Variants in ZNF112 observed in about 807,000 individuals in gnomAD.
The protein encoded by ZNF112 is zinc finger protein 112, also known as zinc finger protein 112 (Y14).
Under a neutral mutation model 77.7 loss-of-function variants are expected in ZNF112, and 37 were observed. The ratio of observed to expected loss-of-function variants is 0.48; its 90% CI spans 0.37 to 0.63. The LOEUF (loss-of-function observed/expected upper bound fraction) is 0.63. Ranked by LOEUF, ZNF112 falls within the 20% of genes least tolerant of loss-of-function variation. The pLI, the probability that ZNF112 is intolerant of heterozygous loss-of-function variation, is 0.00. For synonymous variants in ZNF112, 333 were observed against 363.6 expected, an observed-to-expected ratio of 0.92 and a Z score of 0.96; for missense variants, 950 against 1,077.4, an observed-to-expected ratio of 0.88 and a Z score of 1.66.
chr19:44,333,690 C>A (rs1408762619), intron 3 of ZNF112, among the ~76,000 whole-genome samples: 1 of 152,184 alleles, frequency 6.6e-6, no homozygotes, highest in East Asian at 1.9e-4. Context: ...TCCCCTTCAC[C>A]ATCTGCCATA....
At chr19:44,341,911 TG>T (rs139355721) in intron 1 of ZNF112, among the ~76,000 whole-genome samples, 10,665 of 152,298 alleles carry the variant, frequency 0.07, 485 homozygotes, top group African/African-American at 0.12. Flanking sequence ...TTTGCTTTTT[TG>T]TAAGTCTTTC....
chr19:44,332,816 GA>G (rs1236378778), intron 3 of ZNF112, among the ~76,000 whole-genome samples: 2 of 151,620 alleles, frequency 1.3e-5, no homozygotes, highest in African/African-American at 4.8e-5. Context: ...CATAGAGGAA[GA>G]AAAAAAATAA....
At chr19:44,336,782 G>C (rs2123161977) in intron 2 of ZNF112, 64 bp from the exon 3 acceptor site, 1 of 1,332,202 alleles carries the variant, frequency 7.5e-7, no homozygotes, top group Non-Finnish European at 1.1e-6. Flanking sequence ...GTCAAAACTA[G>C]ACAAAAAGGT....
chr19:44,327,376 C>A lies in ZNF112; in HGVS notation c.*57G>T, dbSNP rs1274870504. On this transcript the variant is annotated 3_prime_UTR_variant, in exon 4 of 4. Coordinates refer to ENST00000354340, the MANE Select transcript of ZNF112 (RefSeq NM_013380.4). ...CATTACATTTTAATTTTTAAAAATT[C>A]TTTTTCTACTGAAAGAACTCTAGTG... 6 of 1,398,644 alleles carry A rather than the reference C, an allele frequency of 4.3e-6. No homozygotes were observed. The highest frequency in any genetic ancestry group is 2.9e-5 in the African/African-American group (2 of 68,532). 86.6% of individuals were successfully genotyped at this position (1,398,644 alleles called of 1,614,324 possible). A position where few individuals can be genotyped will look rare whatever the true frequency, so the allele number is the denominator to read the frequency against.
At chr19:44,359,601 C>T (rs1314460767), upstream of ZNF112, among the ~76,000 whole-genome samples, 2 of 152,104 alleles carry the variant, frequency 1.3e-5, no homozygotes, top group African/African-American at 4.8e-5. Context: ...GCATTACAGG[C>T]GTGAGCCACT....
chr19:44,341,157 A>C, intron 1 of ZNF112: 1 of 456,710 alleles, frequency 2.2e-6, no homozygotes, highest in Non-Finnish European at 4.4e-6. Flanking sequence ...AAAGCATGGA[A>C]AACAGCACCT....
chr19:44,327,588 A>G lies in ZNF112; in HGVS notation c.2569T>C (p.Cys857Arg). Residue 857 changes from cysteine to arginine, a missense_variant, in exon 4 of 4, where the codon TGT becomes CGT. By Grantham distance (180) the Cys-to-Arg change is radical. This residue lies in a region of ZNF112 where 373 missense variants were observed against 482.8 expected (regional missense o/e 0.77). Coordinates refer to ENST00000354340, the MANE Select transcript of ZNF112 (RefSeq NM_013380.4). ...RVHTGEKPYKCDACGKGFRWS... is the reference protein window; with the variant it reads ...RVHTGEKPYKRDACGKGFRWS... Reference sequence around the variant, plus strand: ...CGGAAACCCTTACCACATGCATCACATTTGTATGGTTTCTCTCCTGTGTGG... The same window carrying G: ...CGGAAACCCTTACCACATGCATCACGTTTGTATGGTTTCTCTCCTGTGTGG... 6.2e-7 allele frequency: 1 copy of G among 1,614,080 alleles called. No individual in the cohort carries two copies. Among genetic ancestry groups the G allele is most frequent in the Non-Finnish European group, 8.5e-7 (1 of 1,179,962 alleles).
chr19:44,328,026 C>T lies in ZNF112; in HGVS notation c.2131G>A (p.Gly711Arg). 6.2e-7 allele frequency: 1 copy of T among 1,613,910 alleles called. No homozygotes were observed. Among genetic ancestry groups the T allele is most frequent in the Non-Finnish European group, 8.5e-7 (1 of 1,179,956 alleles). The change falls in exon 4 of 4, where the codon GGA becomes AGA. Residue 711 changes from glycine to arginine, a missense_variant. By Grantham distance (125) the Gly-to-Arg change is moderately radical (BLOSUM62 -2). Transcript: ENST00000354340. ...YLQSHQSVHS[G>R]ERPYICEVCG... ...ACCTCACATATATATGGTCTTTCTC[C>T]AGAATGGACACTCTGATGACTCTGA...
At chr19:44,362,260 G>A (rs564149566) in intron 1 of ZNF112, among the ~76,000 whole-genome samples, 1 of 152,102 alleles carries the variant, frequency 6.6e-6, no homozygotes, top group East Asian at 1.9e-4. Context: ...TGTAGGAGGA[G>A]GAGAAGTAGG....
At chr19:44,343,201 C>T in intron 1 of ZNF112, 1 of 1,602,928 alleles carries the variant, frequency 6.2e-7, no homozygotes, top group Non-Finnish European at 8.5e-7. Flanking sequence ...GATATGTCCA[C>T]TCACTGCAAA....
chr19:44,357,976 C>G (rs551759587), upstream of ZNF112, among the ~76,000 whole-genome samples: 9 of 152,034 alleles, frequency 5.9e-5, no homozygotes, highest in Admixed American at 1.3e-4. Context: ...CATGGTGAAA[C>G]CCCGTCTCTA....
rs1568665677 is a variant in ZNF112, at chr19:44,337,396, A to ATAT, written c.125-679_125-678insATA. Among the ~76,000 whole-genome samples, 4 of 31,978 alleles carry ATAT rather than the reference A, an allele frequency of 1.3e-4. 1 individual carries two copies. Among genetic ancestry groups the ATAT allele is most frequent in the Non-Finnish European group, 2.6e-4 (4 of 15,200 alleles). 21.0% of individuals were successfully genotyped at this position (31,978 alleles called of 152,430 possible). A position where few individuals can be genotyped will look rare whatever the true frequency, so the allele number is the denominator to read the frequency against. ...ATATTTTATATATAATAATATATAT[A>ATAT]ATATATATTTTATATATAATAATAT... On this transcript the variant is annotated intron_variant, in intron 2 of 3. Coordinates refer to ENST00000354340, the MANE Select transcript of ZNF112 (RefSeq NM_013380.4).
At chr19:44,352,862 T>C (rs1970717565) in intron 1 of ZNF112, among the ~76,000 whole-genome samples, 1 of 152,130 alleles carries the variant, frequency 6.6e-6, no homozygotes, top group East Asian at 1.9e-4. Context: ...AACACTTAAA[T>C]GAAGGGACAT....
intron 1 of ZNF112, among the ~76,000 whole-genome samples, chr19:44,345,773 T>G (rs982035443): frequency 2.6e-5 from 4 of 152,142 alleles, no homozygotes; most frequent in Non-Finnish European, 4.4e-5. Context: ...CCCTTTGATC[T>G]CCAGCCGTGT....
In ZNF112 at chr19:44,329,162, T is replaced by C. The variant is rs755624066; in HGVS notation, c.995A>G (p.Glu332Gly). 1 of 1,613,936 alleles carries C rather than the reference T, an allele frequency of 6.2e-7. No homozygotes were observed. The highest frequency in any genetic ancestry group is 8.5e-7 in the Non-Finnish European group (1 of 1,179,986). ...AAGAGGGGAACAGTGATTGAAGTTC[T>C]CACCATATTCACCACATTTGCATGG... ...EKPCKCGEYG[E>G]NFNHCSPLNT... Residue 332 changes from glutamate to glycine, a missense_variant, in exon 4 of 4, where the codon GAG becomes GGG. By Grantham distance (98) the Glu-to-Gly change is moderately conservative. Coordinates refer to ENST00000354340, the MANE Select transcript of ZNF112 (RefSeq NM_013380.4).
chr19:44,346,103 A>G (rs991966336), intron 1 of ZNF112, among the ~76,000 whole-genome samples: 2 of 152,230 alleles, frequency 1.3e-5, no homozygotes, highest in Non-Finnish European at 2.9e-5. Flanking sequence ...GATACCTTTA[A>G]GAAGGTTTCG....
intron 1 of ZNF112, chr19:44,343,402 T>C: frequency 1.1e-6 from 1 of 949,300 alleles, no homozygotes; most frequent in Non-Finnish European, 1.6e-6. Flanking sequence ...CCAGCAGATG[T>C]GGCCACACAC....
At chr19:44,337,040 G>C (rs1003487791) in intron 2 of ZNF112, among the ~76,000 whole-genome samples, 4 of 151,238 alleles carry the variant, frequency 2.6e-5, no homozygotes, top group African/African-American at 9.7e-5. Flanking sequence ...ATTATGCCCA[G>C]CTAAATTTTT....
chr19:44,361,949 TTAAAA>T (rs1970858696), intron 1 of ZNF112, among the ~76,000 whole-genome samples: 1 of 152,124 alleles, frequency 6.6e-6, no homozygotes, highest in Non-Finnish European at 1.5e-5. Flanking sequence ...AAAACTGCTC[TTAAAA>T]TAAAGTCTAT....
Sources: allele counts gnomAD v4.1 joint callset (sites outside exome capture counted in the v4.1 genomes callset), GRCh38; gene constraint gnomAD v4.1.1; regional missense constraint gnomAD v4.1.1; transcripts MANE v1.5; gene names NCBI Gene and HGNC (gene_info 2026-07-23, HGNC 2026-07-21).